ARSL: variants seen among roughly 807,000 people sequenced by gnomAD.
ARSL encodes arylsulfatase E (chondrodysplasia punctata 1).
Under a neutral mutation model 31.1 loss-of-function variants are expected in ARSL, and 4 were observed. The ratio of observed to expected loss-of-function variants is 0.13; its 90% CI spans 0.06 to 0.29. The LOEUF is 0.29. Ranked by LOEUF, ARSL falls within the 10% of genes least tolerant of loss-of-function variation. ARSL has a pLI of 1.00. For missense variants in ARSL, 312 were observed against 497.8 expected, an observed-to-expected ratio of 0.63 and a Z score of 3.55; for synonymous variants, 198 against 209.9, an observed-to-expected ratio of 0.94 and a Z score of 0.49.
intron 1 of ARSL, among the ~76,000 whole-genome samples, chrX:2,963,710 A>AT (rs374694100): frequency 1.1e-3 from 110 of 95,771 alleles, no homozygotes; most frequent in Non-Finnish European, 1.7e-3. Flanking sequence ...CTGGCTATTG[A>AT]TTTTTTTTTT....
At position 2,945,826 on chromosome X, in the gene ARSL, C is replaced by A. The variant is rs189191922; in HGVS notation, c.991+172G>T. Among the ~76,000 whole-genome samples the A allele has an allele frequency of 1.2e-3, 132 of 112,564 alleles. 1 individual carries two copies. Among genetic ancestry groups the A allele is most frequent in the African/African-American group, 4.1e-3 (128 of 31,053 alleles). Reference sequence around the variant, plus strand: ...TCCCGTGCATGTGTTATGGAATTCACCCTCTGCTAATGCAGTGAAGATCTG... The same window carrying A: ...TCCCGTGCATGTGTTATGGAATTCAACCTCTGCTAATGCAGTGAAGATCTG... On this transcript the variant is annotated intron_variant, in intron 7 of 10. Transcript: ENST00000381134.
chrX:2,961,795 A>G (rs1380839264), intron 1 of ARSL, among the ~76,000 whole-genome samples: 1 of 111,135 alleles, frequency 9.0e-6, no homozygotes, highest in Non-Finnish European at 1.9e-5. Context: ...AAGACTTCAA[A>G]ATAACCTTGG....
At chrX:2,941,041 C>G (rs2089273050) in intron 8 of ARSL, among the ~76,000 whole-genome samples, 1 of 111,173 alleles carries the variant, frequency 9.0e-6, no homozygotes. Context: ...GGACTTCCTC[C>G]TCACCCAGAG....
chrX:2,963,233 C>T (rs1469573402), intron 1 of ARSL, among the ~76,000 whole-genome samples: 3 of 111,633 alleles, frequency 2.7e-5, no homozygotes, highest in African/African-American at 9.8e-5. Flanking sequence ...GACGCAATTA[C>T]GTTTCACCAA....
intron 5 of ARSL, 192 bp downstream of exon 5, chrX:2,952,951 C>G: frequency 2.4e-6 from 1 of 417,615 alleles, no homozygotes; most frequent in Non-Finnish European, 3.9e-6. Flanking sequence ...GCCACCTTGC[C>G]TGAGCTGGTA....
At chrX:2,947,613 T>C (rs2089403474) in intron 6 of ARSL, among the ~76,000 whole-genome samples, 1 of 112,172 alleles carries the variant, frequency 8.9e-6, no homozygotes, top group African/African-American at 3.2e-5. Flanking sequence ...TTAGAACACG[T>C]CAGGCTGGGC....
intron 1 of ARSL, among the ~76,000 whole-genome samples, chrX:2,960,794 G>A (rs1040058748): frequency 9.0e-6 from 1 of 111,329 alleles, no homozygotes; most frequent in African/African-American, 3.3e-5. Flanking sequence ...TGCTTCCCGA[G>A]CCCAGGGCAG....
At chrX:2,963,275 A>G (rs1212666175) in intron 1 of ARSL, among the ~76,000 whole-genome samples, 1 of 111,705 alleles carries the variant, frequency 9.0e-6, no homozygotes, top group Non-Finnish European at 1.9e-5. Context: ...AAAGAGATTG[A>G]TTTAAAATTG....
chrX:2,964,292 C>T lies in ARSL; in HGVS notation c.-89G>A, dbSNP rs896403492. 1.2e-5 allele frequency: 9 copies of T among 752,034 alleles called. No homozygotes were observed. Among genetic ancestry groups the T allele is most frequent in the Non-Finnish European group, 1.3e-5 (8 of 639,059 alleles). 62.0% of individuals were successfully genotyped at this position (752,034 alleles called of 1,213,427 possible). A position where few individuals can be genotyped will look rare whatever the true frequency, so the allele number is the denominator to read the frequency against. ...AAGGTTCTCTCCCAAAGGAAGCAAGCGTGAAGGCAGAGAGCACTTGCACAA... is the reference window on the plus strand; with the variant it reads ...AAGGTTCTCTCCCAAAGGAAGCAAGTGTGAAGGCAGAGAGCACTTGCACAA... On this transcript the variant is annotated 5_prime_UTR_variant, in exon 1 of 11. Transcript: ENST00000381134.
Position 2,959,549 on chromosome X carries a change from C to G in ARSL, c.23+829G>C, listed in dbSNP as rs2089573918. On this transcript the variant is annotated intron_variant, in intron 2 of 10. Transcript: ENST00000381134. ...TCCAAGGTTTGTAGTAGGGGAAACC[C>G]TGATTTTCCCTGGAAAACCAGACAC... is the stretch of plus-strand genomic sequence containing the variant. 3.6e-6 allele frequency: 4 copies of G among 1,118,721 alleles called. No individual in the cohort carries two copies. The East Asian group carries it at 1.3e-4, about 37-fold the overall frequency. The allele number at this position is 1,118,721 out of a possible 1,213,427, so 92.2% of individuals were successfully genotyped here. A position where few individuals can be genotyped will look rare whatever the true frequency, so the allele number is the denominator to read the frequency against.
chrX:2,955,185 A>C (rs984774296), intron 4 of ARSL, among the ~76,000 whole-genome samples: 7 of 112,538 alleles, frequency 6.2e-5, no homozygotes, highest in Non-Finnish European at 7.5e-5. Context: ...AAAGCATCAG[A>C]ATATAAAAGC....
intron 4 of ARSL, among the ~76,000 whole-genome samples, chrX:2,954,125 C>T (rs1275465597): frequency 9.0e-6 from 1 of 110,961 alleles, no homozygotes; most frequent in Non-Finnish European, 1.9e-5. Flanking sequence ...TATTCTGACG[C>T]CTGGTTATCA....
chrX:2,944,246 C>G (rs753645788), intron 7 of ARSL, among the ~76,000 whole-genome samples: 92 of 108,648 alleles, frequency 8.5e-4, no homozygotes, highest in East Asian at 2.4e-3. Flanking sequence ...ACAAGGTCAG[C>G]AGTTCGAGAC....
In ARSL at chrX:2,949,481, G is replaced by A. The variant is rs140499958; in HGVS notation, c.677C>T (p.Pro226Leu). The change falls in exon 6 of 11, where the codon CCG (proline) becomes CTG (leucine). Residue 226 changes from proline to leucine, a missense_variant. Coordinates refer to ENST00000381134, the MANE Select transcript of ARSL (RefSeq NM_000047.3). ...LTHLIPVSWMPVIWSALSAVL... is the reference protein window; with the variant it reads ...LTHLIPVSWMLVIWSALSAVL... Reference sequence around the variant, plus strand: ...GGCCGAAAGGGCTGACCAGATGACCGGCATCCACGAGACGGGTATCAGGTG... The same window carrying A: ...GGCCGAAAGGGCTGACCAGATGACCAGCATCCACGAGACGGGTATCAGGTG... 2.5e-5 allele frequency: 30 copies of A among 1,209,121 alleles called. No individual in the cohort carries two copies. In the African/African-American group the frequency reaches 3.0e-4, roughly 12 times the overall value.
intron 7 of ARSL, among the ~76,000 whole-genome samples, chrX:2,943,710 C>G (rs1014304506): frequency 1.1e-5 from 1 of 92,262 alleles, no homozygotes; most frequent in African/African-American, 4.2e-5. Context: ...CCACTGCGCT[C>G]CAGCCTGGGT....
chrX:2,935,139 C>A lies in ARSL; in HGVS notation c.1463G>T (p.Gly488Val). The change falls in exon 11 of 11, where the codon GGA becomes GTA. Residue 488 changes from glycine to valine, a missense_variant. Coordinates refer to ENST00000381134, the MANE Select transcript of ARSL (RefSeq NM_000047.3). ...HFVTPVFQPEGAGACYGRKVC... is the reference protein window; with the variant it reads ...HFVTPVFQPEVAGACYGRKVC... ...CTTTCTTCCATAGCAGGCACCGGCT[C>A]CCTCTGGCTGGAACACAGGCGTCAC... 8.3e-7 allele frequency: 1 copy of A among 1,211,648 alleles called. No individual in the cohort carries two copies. Among genetic ancestry groups the A allele is most frequent in the Non-Finnish European group, 1.1e-6 (1 of 895,468 alleles).
At position 2,958,578 on chromosome X, in the gene ARSL, G is replaced by A. The variant is rs2089558798; in HGVS notation, c.24-143C>T. ...GAGGACATCTCTTAGGCATTTGATT[G>A]TTTTTCTCTGGTTACAATTAACTGA... On this transcript the variant is annotated intron_variant, in intron 2 of 10. Transcript: ENST00000381134. 5.3e-6 allele frequency: 4 copies of A among 758,160 alleles called. No homozygotes were observed. The African/African-American group carries it at 6.3e-5, about 12-fold the overall frequency. 62.5% of individuals were successfully genotyped at this position (758,160 alleles called of 1,213,427 possible).
At chrX:2,965,831 A>G (rs1221551644), upstream of ARSL, among the ~76,000 whole-genome samples, 1 of 112,000 alleles carries the variant, frequency 8.9e-6, no homozygotes, top group African/African-American at 3.2e-5. Flanking sequence ...AACCCGGGAG[A>G]CGGAGCTTGC....
At chrX:2,961,310 G>C (rs1159795238) in intron 1 of ARSL, among the ~76,000 whole-genome samples, 1 of 110,989 alleles carries the variant, frequency 9.0e-6, no homozygotes. Context: ...TAGAGTTGCA[G>C]GCAGCAAGAG....
Sources: gnomAD v4.1 joint callset for allele counts (sites outside exome capture counted in the v4.1 genomes callset) on GRCh38, gnomAD v4.1.1 for gene constraint, MANE v1.5 for transcripts, NCBI Gene and HGNC (gene_info 2026-07-23, HGNC 2026-07-21) for gene names.